The following ANGPTL1 variants were observed in gnomAD, a reference collection of about 807,000 sequenced individuals.
ANGPTL1 encodes angiopoietin-related protein 1.
A neutral mutation model predicts 46.7 loss-of-function variants in ANGPTL1; 36 were observed. The ratio of observed to expected loss-of-function variants is 0.77; its 90% CI spans 0.59 to 1.02. The LOEUF is 1.02. Ranked by LOEUF, ANGPTL1 falls within the 50% of genes least tolerant of loss-of-function variation. ANGPTL1 has a pLI of 0.00. For missense variants in ANGPTL1, 571 were observed against 594.7 expected, an observed-to-expected ratio of 0.96 and a Z score of 0.41; for synonymous variants, 221 against 204.3, an observed-to-expected ratio of 1.08 and a Z score of -0.69.
At chr1:178,869,443 A>G (rs1293416766) in intron 1 of ANGPTL1, among the ~76,000 whole-genome samples, 1 of 152,122 alleles carries the variant, frequency 6.6e-6, no homozygotes, top group African/African-American at 2.4e-5. Context: ...TATTTAAGAA[A>G]AGGATAAATA....
chr1:178,862,715 A>G (rs534411713), intron 3 of ANGPTL1, among the ~76,000 whole-genome samples: 3 of 152,052 alleles, frequency 2.0e-5, no homozygotes, highest in African/African-American at 7.2e-5. Flanking sequence ...AAAATGAGTG[A>G]ATTTGTTTTA....
chr1:178,854,887 G>T (rs1333770031), intron 3 of ANGPTL1, among the ~76,000 whole-genome samples: 1 of 152,132 alleles, frequency 6.6e-6, no homozygotes, highest in Non-Finnish European at 1.5e-5. Flanking sequence ...TTGAACTTGA[G>T]ATTTCCACAT....
chr1:178,852,575 C>A lies in ANGPTL1; in HGVS notation c.1288+108G>T, dbSNP rs1657245646. The A allele has an allele frequency of 3.2e-6, 4 of 1,247,728 alleles. No homozygotes were observed. The East Asian group carries it at 7.3e-5, about 23-fold the overall frequency. 77.3% of individuals were successfully genotyped at this position (1,247,728 alleles called of 1,614,324 possible). On this transcript the variant is annotated intron_variant, in intron 5 of 5. Coordinates refer to ENST00000234816, the MANE Select transcript of ANGPTL1 (RefSeq NM_004673.4). ...TTGGTTGTATTTCCTGCCACAGTGA[C>A]CAAAACTGACCTTTTTGAAAAGACT...
chr1:178,861,246 T>A (rs1657990507), intron 3 of ANGPTL1, among the ~76,000 whole-genome samples: 1 of 152,170 alleles, frequency 6.6e-6, no homozygotes, highest in Admixed American at 6.5e-5. Context: ...AGATCCACAT[T>A]TATAGAATAA....
chr1:178,855,410 C>T (rs757267377), intron 3 of ANGPTL1, among the ~76,000 whole-genome samples: 55 of 151,018 alleles, frequency 3.6e-4, no homozygotes, highest in African/African-American at 1.1e-3. Context: ...GAAAAGTACA[C>T]GCAAAAATCA....
chr1:178,865,739 A>G lies in ANGPTL1; in HGVS notation c.38T>C (p.Phe13Ser), dbSNP rs1211627105. The change falls in exon 3 of 6, where the codon TTC (phenylalanine) becomes TCC (serine). Residue 13 changes from phenylalanine (F) to serine (S), a missense_variant. Phe to Ser is a radical substitution (Grantham distance 155, BLOSUM62 -2). Transcript: ENST00000234816. ...TFTWTLGVLF[F>S]LLVDTGHCRG... ...GCAATGTCCAGTGTCCACTAGTAGG[A>G]AGAATAGCACACCTAGGGTCCAGGT... 1.2e-6 allele frequency: 2 copies of G among 1,612,504 alleles called. No individual in the cohort carries two copies. The highest frequency in any genetic ancestry group is 4.5e-5 in the East Asian group (2 of 44,890).
intron 1 of ANGPTL1, among the ~76,000 whole-genome samples, 159 bp downstream of exon 1, chr1:178,870,582 A>G (rs1658695120): frequency 1.3e-5 from 2 of 152,184 alleles, no homozygotes; most frequent in African/African-American, 4.8e-5. Context: ...TAATGTTTTT[A>G]TGTCAAGTTG....
intron 2 of ANGPTL1, among the ~76,000 whole-genome samples, chr1:178,866,379 C>T (rs923558485): frequency 6.6e-6 from 1 of 151,936 alleles, no homozygotes; most frequent in Non-Finnish European, 1.5e-5. Flanking sequence ...AAATCTAAAC[C>T]CAGATAGTTT....
chr1:178,856,728 T>G (rs1374016278), intron 3 of ANGPTL1, among the ~76,000 whole-genome samples: 1 of 152,142 alleles, frequency 6.6e-6, no homozygotes, highest in Non-Finnish European at 1.5e-5. Context: ...TAATTGTAGC[T>G]TATTTAATAA....
At chr1:178,867,273 C>T (rs775074498) in intron 2 of ANGPTL1, among the ~76,000 whole-genome samples, 10 of 152,048 alleles carry the variant, frequency 6.6e-5, no homozygotes, top group Admixed American at 1.3e-4. Context: ...ATTATGATCC[C>T]CACTTTCAGA....
In ANGPTL1 at chr1:178,852,869, A is replaced by G. The variant is rs1312261461; in HGVS notation, c.1102T>C (p.Leu368=). 12 of 1,613,774 alleles carry G rather than the reference A, an allele frequency of 7.4e-6. No individual in the cohort carries two copies. Among genetic ancestry groups the G allele is most frequent in the Admixed American group, 3.3e-5 (2 of 59,968 alleles). Residue 368 remains leucine (L), a synonymous_variant, in exon 5 of 6, where the codon TTG becomes CTG. Transcript: ENST00000234816. ...MLSNQDNYKL[L]IELEDWSDKK... ...TCACTCCAGTCTTCTAATTCAATCA[A>G]TAACTTGTAATTATCTTGATTGCTA...
In ANGPTL1 at chr1:178,849,882, A is replaced by G. The variant is rs1301366249; in HGVS notation, c.*1247T>C. Reference sequence around the variant, plus strand: ...TCAATTCGAGGTTTTCTTTTTGCTTAAGCAAAAGTTTCATGAGCTATCTTT... The same window carrying G: ...TCAATTCGAGGTTTTCTTTTTGCTTGAGCAAAAGTTTCATGAGCTATCTTT... On this transcript the variant is annotated 3_prime_UTR_variant, in exon 6 of 6. Coordinates refer to ENST00000234816, the MANE Select transcript of ANGPTL1 (RefSeq NM_004673.4). The G allele has an allele frequency of 2.0e-5, 3 of 152,240 alleles. No homozygotes were observed. Among genetic ancestry groups the G allele is most frequent in the Admixed American group, 6.5e-5 (1 of 15,288 alleles). 9.4% of individuals were successfully genotyped at this position (152,240 alleles called of 1,614,324 possible).
At position 178,865,574 on chromosome 1, in the gene ANGPTL1, G is replaced by C. The variant is rs769363609; in HGVS notation, c.203C>G (p.Thr68Ser). 1.9e-6 allele frequency: 3 copies of C among 1,613,798 alleles called. No individual in the cohort carries two copies. In the African/African-American group the frequency reaches 4.0e-5, roughly 22 times the overall value. ...QRITGPICVN[T>S]KGQDASTIKD... is the part of the protein sequence containing the mutation. ...AATGGTACTTGCATCTTGCCCCTTG[G>C]TGTTGACACAGATTGGCCCTGTTAT... Residue 68 changes from threonine to serine, a missense_variant, in exon 3 of 6, where the codon ACC becomes AGC. Transcript: ENST00000234816.
intron 3 of ANGPTL1, among the ~76,000 whole-genome samples, chr1:178,860,887 C>T (rs994250754): frequency 6.6e-6 from 1 of 152,174 alleles, no homozygotes; most frequent in Admixed American, 6.5e-5. Flanking sequence ...AGCACCTAAA[C>T]AGCCTGAGAC....
chr1:178,855,190 A>G (rs1022863104), intron 3 of ANGPTL1, among the ~76,000 whole-genome samples: 1 of 152,010 alleles, frequency 6.6e-6, no homozygotes. Context: ...TTTGGGTCTT[A>G]CTGGGATAGA....
At chr1:178,860,941 G>A (rs773374961) in intron 3 of ANGPTL1, among the ~76,000 whole-genome samples, 6 of 152,122 alleles carry the variant, frequency 3.9e-5, no homozygotes, top group Non-Finnish European at 7.4e-5. Flanking sequence ...GTGAATAATT[G>A]AGCACATTGT....
At position 178,853,741 on chromosome 1, in the gene ANGPTL1, G is replaced by C. The variant is rs770829057; in HGVS notation, c.870C>G (p.Val290=). ...CQQAKEAGHS[V]SGIYMIKPEN... ...CAGGTTTAATCATATAAATCCCACT[G>C]ACCGAATGCCCAGCTTCTTTTGCTT... The change falls in exon 4 of 6, where the codon GTC becomes GTG. Residue 290 remains valine, a synonymous_variant. Transcript: ENST00000234816. The C allele has an allele frequency of 1.2e-6, 2 of 1,604,366 alleles. No homozygotes were observed. The highest frequency in any genetic ancestry group is 1.7e-6 in the Non-Finnish European group (2 of 1,175,826).
At chr1:178,857,103 C>G (rs1043306625) in intron 3 of ANGPTL1, among the ~76,000 whole-genome samples, 2 of 152,090 alleles carry the variant, frequency 1.3e-5, no homozygotes, top group Non-Finnish European at 2.9e-5. Flanking sequence ...ATGAAATTTA[C>G]AGAATTTTAA....
At chr1:178,867,863 T>A (rs1262310721) in intron 2 of ANGPTL1, among the ~76,000 whole-genome samples, 4 of 152,080 alleles carry the variant, frequency 2.6e-5, no homozygotes, top group African/African-American at 9.7e-5. Context: ...TCTTATGCTG[T>A]CGTCATGAAG....
Sources: allele counts gnomAD v4.1 joint callset (sites outside exome capture counted in the v4.1 genomes callset), GRCh38; gene constraint gnomAD v4.1.1; transcripts MANE v1.5; gene names NCBI Gene and HGNC (gene_info 2026-07-23, HGNC 2026-07-21).